Variants in SLC38A6 observed in about 807,000 individuals in gnomAD.
SLC38A6 encodes solute carrier family 38 member 6.
In SLC38A6, 73 loss-of-function variants were observed where a neutral mutation model predicts 65.0. That is an observed-to-expected ratio of 1.12 (90% confidence interval 0.93 to 1.37). The LOEUF (loss-of-function observed/expected upper bound fraction) is 1.37. SLC38A6 is among the 40% of genes most tolerant of loss of function. The probability of loss-of-function intolerance (pLI) is 0.00; values close to 1 mark genes in which losing one functional copy is unlikely to be tolerated. For synonymous variants in SLC38A6, 183 were observed against 178.8 expected (o/e 1.02, Z -0.19); for missense variants, 561 against 531.1 (o/e 1.06, Z -0.55).
intron 8 of SLC38A6, among the ~76,000 whole-genome samples, chr14:61,038,120 A>G (rs2041527360): frequency 6.6e-6 from 1 of 152,164 alleles, no homozygotes; most frequent in South Asian, 2.1e-4. Flanking sequence ...ATCTAGTAAG[A>G]ACTGGGTTGA....
chr14:61,045,269 T>G lies in SLC38A6; in HGVS notation c.745-77T>G, dbSNP rs985538886. 2.2e-5 allele frequency: 20 copies of G among 912,142 alleles called. No homozygotes were observed. In the East Asian group the frequency reaches 4.6e-4, roughly 21 times the overall value. 56.5% of individuals were successfully genotyped at this position (912,142 alleles called of 1,614,324 possible). A position where few individuals can be genotyped will look rare whatever the true frequency, so the allele number is the denominator to read the frequency against. ...TAATCAAATTGATTTTTTAAAGAAC[T>G]GAGTTTGTTGTCAAATGAAATAATG... On this transcript the variant is annotated intron_variant, in intron 10 of 15. Coordinates refer to ENST00000267488, the MANE Select transcript of SLC38A6 (RefSeq NM_153811.3).
intron 6 of SLC38A6, among the ~76,000 whole-genome samples, chr14:61,036,758 T>C (rs1489882961): frequency 7.9e-5 from 12 of 152,158 alleles, no homozygotes; most frequent in Admixed American, 7.9e-4. Flanking sequence ...CACCAGCTTT[T>C]TACACACCTC....
intron 15 of SLC38A6, among the ~76,000 whole-genome samples, chr14:61,072,709 C>G (rs755395887): frequency 5.9e-5 from 9 of 152,150 alleles, no homozygotes; most frequent in Non-Finnish European, 1.3e-4. Flanking sequence ...ATGAAAAGAT[C>G]TCATTGTTTT....
chr14:60,991,643 A>T (rs1017861457), intron 3 of SLC38A6, among the ~76,000 whole-genome samples: 4 of 152,158 alleles, frequency 2.6e-5, no homozygotes, highest in Non-Finnish European at 4.4e-5. Flanking sequence ...TTCTTCCCCC[A>T]GTTTCCCACA....
At chr14:61,027,898 A>G (rs1197618513) in intron 5 of SLC38A6, among the ~76,000 whole-genome samples, 1 of 151,872 alleles carries the variant, frequency 6.6e-6, no homozygotes, top group East Asian at 1.9e-4. Flanking sequence ...AATATATACT[A>G]ACATTCTCTA....
chr14:61,042,476 A>C (rs1393311820), intron 8 of SLC38A6, among the ~76,000 whole-genome samples: 1 of 152,240 alleles, frequency 6.6e-6, no homozygotes, highest in Non-Finnish European at 1.5e-5. Flanking sequence ...CAGGATGGCC[A>C]CAATTAAGAG....
chr14:61,014,974 C>G (rs1439895477), intron 3 of SLC38A6, among the ~76,000 whole-genome samples: 1 of 152,190 alleles, frequency 6.6e-6, no homozygotes, highest in African/African-American at 2.4e-5. Flanking sequence ...ATGCCCTGCC[C>G]CTAGAGGTGG....
At chr14:61,023,584 TAA>T (rs2040453396) in intron 5 of SLC38A6, among the ~76,000 whole-genome samples, 1 of 32,078 alleles carries the variant, frequency 3.1e-5, no homozygotes, top group Non-Finnish European at 1.7e-4. Flanking sequence ...ATAATAATAA[TAA>T]TAATATATAT....
chr14:60,997,380 A>G (rs1397199716), intron 3 of SLC38A6, among the ~76,000 whole-genome samples: 2 of 152,026 alleles, frequency 1.3e-5, no homozygotes, highest in African/African-American at 2.4e-5. Flanking sequence ...TGAAACTCCT[A>G]AGCTCCAGCG....
At chr14:61,028,574 A>G (rs1159993691) in intron 5 of SLC38A6, among the ~76,000 whole-genome samples, 3 of 152,180 alleles carry the variant, frequency 2.0e-5, no homozygotes, top group Non-Finnish European at 4.4e-5. Context: ...CCTTACGAGA[A>G]TATGAACAAT....
intron 12 of SLC38A6, among the ~76,000 whole-genome samples, chr14:61,046,859 G>C (rs1011093334): frequency 6.6e-6 from 1 of 152,126 alleles, no homozygotes; most frequent in African/African-American, 2.4e-5. Flanking sequence ...TTTCCAATGT[G>C]AGCATGGTGC....
intron 5 of SLC38A6, among the ~76,000 whole-genome samples, chr14:61,024,323 T>C (rs184916027): frequency 6.6e-6 from 1 of 152,322 alleles, no homozygotes; most frequent in Admixed American, 6.5e-5. Flanking sequence ...AGTAAATTAC[T>C]ACTTAAAAGC....
At chr14:61,055,100 CTTTTTCTTTTTT>C (rs1196462519), downstream of SLC38A6, among the ~76,000 whole-genome samples, 8 of 31,856 alleles carry the variant, frequency 2.5e-4, no homozygotes, top group African/African-American at 4.9e-4. Flanking sequence ...TTTTTTAAGT[CTTTTTCTTTTTT>C]TTTTTCTTTT....
intron 3 of SLC38A6, among the ~76,000 whole-genome samples, chr14:60,995,884 G>A (rs1287121961): frequency 6.6e-5 from 10 of 152,132 alleles, no homozygotes; most frequent in Admixed American, 6.5e-4. Context: ...CAGAGGGAGC[G>A]TGAATAGGCA....
At chr14:61,080,592 C>T (rs1267458484) in intron 16 of SLC38A6, among the ~76,000 whole-genome samples, 2 of 152,192 alleles carry the variant, frequency 1.3e-5, no homozygotes, top group Admixed American at 6.5e-5. Flanking sequence ...GGAAGCAAGT[C>T]GAAGTGGTTT....
intron 3 of SLC38A6, among the ~76,000 whole-genome samples, chr14:60,998,130 T>A (rs1247128540): frequency 3.3e-5 from 5 of 151,306 alleles, no homozygotes; most frequent in Non-Finnish European, 5.9e-5. Context: ...GAAGAGAGAG[T>A]GACTTTGATA....
intron 8 of SLC38A6, among the ~76,000 whole-genome samples, chr14:61,037,975 A>G (rs965729591): frequency 1.3e-5 from 2 of 152,208 alleles, no homozygotes; most frequent in Non-Finnish European, 2.9e-5. Context: ...AGGTGTGTAA[A>G]TTTATTCCTG....
At chr14:60,990,717 C>T (rs905867711) in intron 3 of SLC38A6, among the ~76,000 whole-genome samples, 7 of 151,950 alleles carry the variant, frequency 4.6e-5, no homozygotes, top group African/African-American at 9.7e-5. Context: ...ACTGCAGCCT[C>T]GACCTCCTGC....
chr14:60,989,916 T>C (rs1446891534), intron 3 of SLC38A6, among the ~76,000 whole-genome samples: 1 of 152,190 alleles, frequency 6.6e-6, no homozygotes, highest in Non-Finnish European at 1.5e-5. Flanking sequence ...CTTTCCTAGT[T>C]CTTCCTGTTT....
Sources: gnomAD v4.1 joint callset for allele counts (sites outside exome capture counted in the v4.1 genomes callset) on GRCh38, gnomAD v4.1.1 for gene constraint, MANE v1.5 for transcripts, NCBI Gene and HGNC (gene_info 2026-07-23, HGNC 2026-07-21) for gene names.